Variants in ALS2CL observed in about 807,000 individuals in gnomAD.
The protein encoded by ALS2CL is ALS2 C-terminal-like protein.
A neutral mutation model predicts 127.9 loss-of-function variants in ALS2CL; 112 were observed. The observed-to-expected ratio is 0.88, with a 90% CI of 0.75 to 1.02. The LOEUF (loss-of-function observed/expected upper bound fraction) is 1.02, where lower values mean the gene tolerates loss of function less well. Among genes scored for constraint, ALS2CL ranks in the 50% least tolerant of loss-of-function variants. ALS2CL has a pLI of 0.00. For synonymous variants in ALS2CL, 519 were observed against 527.6 expected, an observed-to-expected ratio of 0.98 and a Z score of 0.22; for missense variants, 1,174 against 1,236.7, an observed-to-expected ratio of 0.95 and a Z score of 0.76.
Position 46,681,714 on chromosome 3 carries a change from ACT to A in ALS2CL, c.1176-118_1176-117del. The A allele has an allele frequency of 1.9e-6, 2 of 1,049,270 alleles. No homozygotes were observed. Among genetic ancestry groups the A allele is most frequent in the Admixed American group, 2.1e-5 (1 of 48,368 alleles). 65.0% of individuals were successfully genotyped at this position (1,049,270 alleles called of 1,614,324 possible). A position where few individuals can be genotyped will look rare whatever the true frequency, so the allele number is the denominator to read the frequency against. ...AAGGAGCCTTCCAGACAACAGGGAGACTCTCAGAGGCCCTCAGCCTTCCTATC... is the reference window on the plus strand; with the variant it reads ...AAGGAGCCTTCCAGACAACAGGGAGACTCAGAGGCCCTCAGCCTTCCTATC... On this transcript the variant is annotated intron_variant, in intron 11 of 25. Transcript: ENST00000318962. The surrounding 1 kb of genome is among the most constrained non-coding windows in gnomAD (Gnocchi z 4.9).
chr3:46,683,020 G>A (rs1305948351), intron 10 of ALS2CL, 110 bp downstream of exon 10: 3 of 1,197,018 alleles, frequency 2.5e-6, no homozygotes, highest in South Asian at 1.6e-5. Context: ...TGTCCACAGA[G>A]AGTAACCGCT....
In ALS2CL at chr3:46,672,191, A is replaced by C; in HGVS notation, c.2483T>G (p.Leu828Arg). The C allele has an allele frequency of 6.2e-7, 1 of 1,614,076 alleles. No individual in the cohort carries two copies. The highest frequency in any genetic ancestry group is 2.2e-5 in the East Asian group (1 of 44,860). The change falls in exon 23 of 26, where the codon CTG (leucine) becomes CGG (arginine). Residue 828 changes from leucine (L) to arginine (R), a missense_variant. Coordinates refer to ENST00000318962, the MANE Select transcript of ALS2CL (RefSeq NM_147129.5). ...TGACAGGAAACACTTGTCCCTGACC[A>C]GGGAGTACCTCTGCATGGTGGAGGG... ...LTLTSNQRYSLVRDKCFLSAT... is the reference protein window; with the variant it reads ...LTLTSNQRYSRVRDKCFLSAT...
chr3:46,669,021 A>AT lies in ALS2CL; in HGVS notation c.*1962dup, dbSNP rs1193381095. 2 of 151,702 alleles carry AT rather than the reference A, an allele frequency of 1.3e-5. No individual in the cohort carries two copies. The highest frequency in any genetic ancestry group is 1.9e-4 in the East Asian group (1 of 5,178). 9.4% of individuals were successfully genotyped at this position (151,702 alleles called of 1,614,324 possible). On this transcript the variant is annotated 3_prime_UTR_variant, in exon 26 of 26. Transcript: ENST00000318962. ...TCTGTCCAGATGCTCTTTTTTATTT[A>AT]TTTTATTTTTATTTTTATTTTTATT...
Position 46,682,077 on chromosome 3 carries a change from G to A in ALS2CL, c.1127C>T (p.Pro376Leu), listed in dbSNP as rs139939925. ...ATTCCCCACGTGATTCCGCCCATCC[G>A]GCCATTTCAGGGTTCCCCTGGAACA... ...RPHGKGTLKW[P>L]DGRNHVGNFC... The change falls in exon 11 of 26, where the codon CCG (proline) becomes CTG (leucine). Residue 376 changes from proline to leucine, a missense_variant. Pro to Leu is a moderately conservative substitution (Grantham distance 98). Coordinates refer to ENST00000318962, the MANE Select transcript of ALS2CL (RefSeq NM_147129.5). 4.5e-5 allele frequency: 72 copies of A among 1,613,760 alleles called. No individual in the cohort carries two copies. In the African/African-American group the frequency reaches 5.1e-4, roughly 11 times the overall value.
rs770207408 is a variant in ALS2CL, at chr3:46,684,039, A to G, written c.795T>C (p.Asn265=). 1 of 1,558,100 alleles carries G rather than the reference A, an allele frequency of 6.4e-7. No individual in the cohort carries two copies. Among genetic ancestry groups the G allele is most frequent in the South Asian group, 1.2e-5 (1 of 85,326 alleles). Residue 265 remains asparagine (N), a synonymous_variant, in exon 8 of 26, where the codon AAT becomes AAC. Coordinates refer to ENST00000318962, the MANE Select transcript of ALS2CL (RefSeq NM_147129.5). The part of the protein sequence containing the change: ...DDALVLLQGH[N]VHTFDLKLVW... Reference sequence around the variant, plus strand: ...CCAGCTTCAGATCAAAGGTGTGGACATTGTGGCCCTGGAAGAGGATGGACA... The same window carrying G: ...CCAGCTTCAGATCAAAGGTGTGGACGTTGTGGCCCTGGAAGAGGATGGACA...
Position 46,680,489 on chromosome 3 carries a change from C to G in ALS2CL, c.1489G>C (p.Val497Leu). 2 of 1,613,406 alleles carry G rather than the reference C, an allele frequency of 1.2e-6. No individual in the cohort carries two copies. Among genetic ancestry groups the G allele is most frequent in the Non-Finnish European group, 8.5e-7 (1 of 1,180,014 alleles). Residue 497 changes from valine (V) to leucine (L), a missense_variant, in exon 14 of 26, where the codon GTC becomes CTC. Val to Leu is a conservative substitution (Grantham distance 32). Coordinates refer to ENST00000318962, the MANE Select transcript of ALS2CL (RefSeq NM_147129.5). Reference sequence around the variant, plus strand: ...CAGACACCTGCCTGGGTGACCATGACCCCTGGGCCGTGGCGCTGACCAGCC... The same window carrying G: ...CAGACACCTGCCTGGGTGACCATGAGCCCTGGGCCGTGGCGCTGACCAGCC... ...WQAGQRHGPG[V>L]MVTQAGVCYQ...
intron 14 of ALS2CL, 76 bp from the exon 15 acceptor site, chr3:46,679,363 G>C (rs574712421): frequency 1.6e-5 from 20 of 1,280,308 alleles, no homozygotes; most frequent in Non-Finnish European, 2.2e-5. Context: ...GAGAGAGATG[G>C]CCAAAGAAGG....
chr3:46,685,399 T>C lies in ALS2CL; in HGVS notation c.786+126A>G, dbSNP rs1209214705. The C allele has an allele frequency of 6.8e-6, 10 of 1,473,118 alleles. No homozygotes were observed. In the Admixed American group the frequency reaches 1.1e-4, roughly 16 times the overall value. 91.3% of individuals were successfully genotyped at this position (1,473,118 alleles called of 1,614,324 possible). On this transcript the variant is annotated intron_variant, in intron 7 of 25. Transcript: ENST00000318962. ...GCCCCTCCCCAACACAACGCCTTTC[T>C]ATCCCTGACCATCCCTCCCAGCCCA...
chr3:46,687,085 G>A lies in ALS2CL; in HGVS notation c.432C>T (p.Gly144=). 1 of 1,590,654 alleles carries A rather than the reference G, an allele frequency of 6.3e-7. No individual in the cohort carries two copies. The highest frequency in any genetic ancestry group is 8.5e-7 in the Non-Finnish European group (1 of 1,175,540). ...CCTGGCCCAGCGATGCGCCCACCGA[G>A]CCCTCTGAGCTCACACCTGAAAGCA... ...RQLLSGVSSE[G]SVGASLGQAL... is the part of the protein sequence containing the mutation. Residue 144 remains glycine (G), a synonymous_variant, in exon 5 of 26, where the codon GGC becomes GGT. Coordinates refer to ENST00000318962, the MANE Select transcript of ALS2CL (RefSeq NM_147129.5).
intron 20 of ALS2CL, chr3:46,675,392 C>T: frequency 1.8e-6 from 1 of 547,670 alleles, no homozygotes; most frequent in Non-Finnish European, 3.2e-6. Context: ...ACATTTAGAA[C>T]AAAGATGCAT....
intron 9 of ALS2CL, among the ~76,000 whole-genome samples, 159 bp from the exon 10 acceptor site, chr3:46,683,485 TG>T (rs1357359236): frequency 2.0e-5 from 3 of 152,182 alleles, no homozygotes; most frequent in East Asian, 3.9e-4. Context: ...TGCTACTCTC[TG>T]GGCCCTCCAC....
intron 13 of ALS2CL, chr3:46,680,863 C>A: frequency 1.9e-6 from 1 of 525,336 alleles, no homozygotes; most frequent in South Asian, 2.2e-5. Context: ...TCCAGAAAGG[C>A]TGGAGGGGTG....
chr3:46,687,318 G>C (rs1251540451), intron 4 of ALS2CL, among the ~76,000 whole-genome samples, 170 bp from the exon 5 acceptor site: 1 of 152,204 alleles, frequency 6.6e-6, no homozygotes, highest in African/African-American at 2.4e-5. Flanking sequence ...ACAGGTTTAA[G>C]AGCAATATCT....
intron 7 of ALS2CL, among the ~76,000 whole-genome samples, chr3:46,685,260 C>T (rs1466830140): frequency 6.6e-6 from 1 of 152,172 alleles, no homozygotes; most frequent in Non-Finnish European, 1.5e-5. Context: ...GATGGGAAAA[C>T]GAAGGTGAAG....
chr3:46,688,802 G>A (rs1454812967), intron 2 of ALS2CL, among the ~76,000 whole-genome samples: 2 of 152,248 alleles, frequency 1.3e-5, no homozygotes, highest in Admixed American at 6.5e-5. Context: ...CCCTAGGTGG[G>A]AGCAAGATGA....
intron 1 of ALS2CL, among the ~76,000 whole-genome samples, chr3:46,693,007 T>C (rs370627983): frequency 6.6e-6 from 1 of 152,140 alleles, no homozygotes; most frequent in African/African-American, 2.4e-5. Flanking sequence ...CTTCGTTGTC[T>C]GGTGCCCAGT....
At chr3:46,692,416 TCTCC>T (rs1163231744) in intron 1 of ALS2CL, among the ~76,000 whole-genome samples, 4 of 142,720 alleles carry the variant, frequency 2.8e-5, no homozygotes, top group African/African-American at 1.0e-4. Flanking sequence ...TTCCTCACCC[TCTCC>T]CTCCCTCCAG....
At chr3:46,671,862 C>T in intron 24 of ALS2CL, 22 bp downstream of exon 24, 1 of 1,612,794 alleles carries the variant, frequency 6.2e-7, no homozygotes, top group African/African-American at 1.3e-5. Context: ...TGCCCTGCAC[C>T]CCCAGCTCCT....
chr3:46,673,225 T>G, intron 22 of ALS2CL, 114 bp downstream of exon 22: 6 of 452,606 alleles, frequency 1.3e-5, no homozygotes, highest in East Asian at 5.9e-5. Context: ...CAACCCACCC[T>G]GCCCCTCCCC....
Sources: gnomAD v4.1 joint callset for allele counts (sites outside exome capture counted in the v4.1 genomes callset) on GRCh38, gnomAD v4.1.1 for gene constraint, Gnocchi (gnomAD v3.1) non-coding constraint, MANE v1.5 for transcripts, NCBI Gene and HGNC (gene_info 2026-07-23, HGNC 2026-07-21) for gene names.